P2RY14: variants seen among roughly 807,000 people sequenced by gnomAD.
P2RY14 encodes the protein P2Y purinoceptor 14.
Under a neutral mutation model 0.9 loss-of-function variants are expected in P2RY14, and 2 were observed. The observed-to-expected ratio is 2.16, with a 90% confidence interval of 0.88 to 6.79. The LOEUF is 6.79. Ranked by LOEUF, P2RY14 falls within the 30% of genes most tolerant of loss-of-function variation. P2RY14 has a pLI of 0.05. For missense variants in P2RY14, 378 were observed against 400.1 expected, an observed-to-expected ratio of 0.94 and a Z score of 0.47; for synonymous variants, 158 against 147.2, an observed-to-expected ratio of 1.07 and a Z score of -0.53.
chr3:151,263,917 C>A (rs1310284797), intron 1 of P2RY14, among the ~76,000 whole-genome samples: 1 of 152,190 alleles, frequency 6.6e-6, no homozygotes, highest in Non-Finnish European at 1.5e-5. Flanking sequence ...GCACAGCCTT[C>A]AGTTAATGTT....
intron 1 of P2RY14, among the ~76,000 whole-genome samples, chr3:151,241,367 G>A (rs1000602410): frequency 6.6e-6 from 1 of 152,152 alleles, no homozygotes; most frequent in Non-Finnish European, 1.5e-5. Context: ...AGATTTTATT[G>A]TAGTTTTCAA....
chr3:151,260,321 T>G (rs1738621962), intron 1 of P2RY14, among the ~76,000 whole-genome samples: 1 of 152,154 alleles, frequency 6.6e-6, no homozygotes, highest in East Asian at 1.9e-4. Flanking sequence ...TTAATCTAGG[T>G]CTACTAATAT....
chr3:151,224,738 G>A (rs1416532871), intron 1 of P2RY14, among the ~76,000 whole-genome samples: 4 of 152,258 alleles, frequency 2.6e-5, no homozygotes, highest in African/African-American at 9.6e-5. Flanking sequence ...CTCAGAAGCT[G>A]TCAGGGACCT....
chr3:151,273,605 T>C (rs1301472552), intron 1 of P2RY14, among the ~76,000 whole-genome samples: 1 of 152,114 alleles, frequency 6.6e-6, no homozygotes, highest in South Asian at 2.1e-4. Context: ...TTAATCCCCA[T>C]AACTCAGTAA....
chr3:151,244,391 A>G (rs1421203489), intron 1 of P2RY14, among the ~76,000 whole-genome samples: 1 of 133,854 alleles, frequency 7.5e-6, no homozygotes, highest in African/African-American at 2.6e-5. Flanking sequence ...AGCAAATGTA[A>G]AAGAACAGAA....
chr3:151,249,041 A>G (rs1260865935), intron 1 of P2RY14: 1 of 152,212 alleles, frequency 6.6e-6, no homozygotes, highest in Non-Finnish European at 1.5e-5. Context: ...AAATATTGAC[A>G]TCTCGCCAAA....
chr3:151,239,554 T>G (rs947564494), intron 1 of P2RY14, among the ~76,000 whole-genome samples: 4 of 152,238 alleles, frequency 2.6e-5, no homozygotes, highest in Admixed American at 2.0e-4. Context: ...TGAAAATATT[T>G]TTCATAAAAA....
chr3:151,252,405 G>T lies in P2RY14; in HGVS notation c.-133+25882C>A, dbSNP rs1427916759. ...TCATAGAAAATAATTGCAACTTCTG[G>T]CATAAATACTGATTTTTAATTGTCT... On this transcript the variant is annotated intron_variant, in intron 1 of 2. Transcript: ENST00000309170. Among the ~76,000 whole-genome samples, 5 of 152,058 alleles carry T rather than the reference G, an allele frequency of 3.3e-5. No homozygotes were observed. The East Asian group carries it at 9.6e-4, about 29-fold the overall frequency.
At chr3:151,264,443 AC>A (rs1559956863) in intron 1 of P2RY14, among the ~76,000 whole-genome samples, 1 of 152,156 alleles carries the variant, frequency 6.6e-6, no homozygotes, top group Non-Finnish European at 1.5e-5. Context: ...TTTATTGAAA[AC>A]GCCTTATGGC....
intron 1 of P2RY14, among the ~76,000 whole-genome samples, chr3:151,256,319 G>A (rs745551029): frequency 5.9e-5 from 9 of 152,060 alleles, no homozygotes; most frequent in Non-Finnish European, 1.3e-4. Context: ...AGTGCTTCTC[G>A]GAGCTTTACA....
At chr3:151,214,616 C>T (rs529792378) in intron 2 of P2RY14, among the ~76,000 whole-genome samples, 2 of 149,280 alleles carry the variant, frequency 1.3e-5, no homozygotes, top group Admixed American at 6.7e-5. Context: ...CCTTTTCCCT[C>T]CTCTTCCTTC....
At chr3:151,220,144 C>A (rs1175358288) in intron 1 of P2RY14, among the ~76,000 whole-genome samples, 1 of 148,496 alleles carries the variant, frequency 6.7e-6, no homozygotes, top group African/African-American at 2.5e-5. Flanking sequence ...ACCCACTACC[C>A]AAGTTGCGGT....
intron 1 of P2RY14, among the ~76,000 whole-genome samples, chr3:151,242,241 G>T (rs987715163): frequency 6.6e-6 from 1 of 152,270 alleles, no homozygotes; most frequent in Non-Finnish European, 1.5e-5. Flanking sequence ...AAACAAAGCA[G>T]CCGGGAAGCT....
At chr3:151,276,173 A>AT (rs1559970973) in intron 1 of P2RY14, among the ~76,000 whole-genome samples, 2 of 152,264 alleles carry the variant, frequency 1.3e-5, no homozygotes, top group Non-Finnish European at 2.9e-5. Flanking sequence ...AATGTGCAAC[A>AT]GAATTACCTG....
At position 151,214,082 on chromosome 3, in the gene P2RY14, G is replaced by C. The variant is rs763744609; in HGVS notation, c.235C>G (p.Leu79Val). 6.2e-7 allele frequency: 1 copy of C among 1,613,966 alleles called. No homozygotes were observed. Among genetic ancestry groups the C allele is most frequent in the South Asian group, 1.1e-5 (1 of 91,086 alleles). ...CAGGGACCAAGGCCTGAGTCACCAA[G>C]GATCTTGAAAGGAAAAGTCAGGCTC... ...VMSLTFPFKI[L>V]GDSGLGPWQL... The change falls in exon 3 of 3, where the codon CTT (leucine) becomes GTT (valine). Residue 79 changes from leucine (L) to valine (V), a missense_variant. Leu to Val is a conservative substitution (Grantham distance 32). Coordinates refer to ENST00000309170, the MANE Select transcript of P2RY14 (RefSeq NM_014879.4).
chr3:151,248,378 C>G (rs116293986), intron 1 of P2RY14, among the ~76,000 whole-genome samples: 1,642 of 152,218 alleles, frequency 0.011, 16 homozygotes, highest in Middle Eastern at 0.017. Context: ...AAGTATTTCA[C>G]CTTTGGTTTC....
intron 2 of P2RY14, among the ~76,000 whole-genome samples, chr3:151,215,190 A>G (rs1398980048): frequency 6.6e-6 from 1 of 152,184 alleles, no homozygotes; most frequent in Admixed American, 6.5e-5. Flanking sequence ...AATGATAAAA[A>G]GTACTTTAAG....
At chr3:151,274,317 A>C (rs1741491386) in intron 1 of P2RY14, among the ~76,000 whole-genome samples, 1 of 152,196 alleles carries the variant, frequency 6.6e-6, no homozygotes, top group African/African-American at 2.4e-5. Flanking sequence ...GCTGCTGTGT[A>C]TCAAACTCAG....
At chr3:151,218,710 T>TA (rs1014319454) in intron 2 of P2RY14, among the ~76,000 whole-genome samples, 9 of 151,084 alleles carry the variant, frequency 6.0e-5, no homozygotes, top group African/African-American at 1.5e-4. Flanking sequence ...CTACTAAAAA[T>TA]AAAAAAATTA....
Sources: allele counts gnomAD v4.1 joint callset (sites outside exome capture counted in the v4.1 genomes callset), GRCh38; gene constraint gnomAD v4.1.1; transcripts MANE v1.5; gene names NCBI Gene and HGNC (gene_info 2026-07-23, HGNC 2026-07-21).